Variants in TMC1 observed in about 807,000 individuals in gnomAD.
The protein encoded by TMC1 is transmembrane channel like 1, also known as transmembrane channel-like protein 1.
A neutral mutation model predicts 105.8 loss-of-function variants in TMC1; 84 were observed. The observed-to-expected ratio is 0.79, with a 90% CI of 0.67 to 0.95. The LOEUF is 0.95. TMC1 is among the 40% of genes least tolerant of loss of function. TMC1 has a pLI of 0.00. For missense variants in TMC1, 817 were observed against 914.1 expected (o/e 0.89, Z 1.37); for synonymous variants, 315 against 311.5 (o/e 1.01, Z -0.12).
At chr9:72,716,945 G>C (rs990592856) in intron 8 of TMC1, among the ~76,000 whole-genome samples, 3 of 152,202 alleles carry the variant, frequency 2.0e-5, no homozygotes, top group African/African-American at 7.2e-5. Context: ...TGAAGACCAT[G>C]GGAAAAGTGC....
chr9:72,527,969 C>T (rs978831430), intron 1 of TMC1, among the ~76,000 whole-genome samples: 1 of 152,196 alleles, frequency 6.6e-6, no homozygotes, highest in Non-Finnish European at 1.5e-5. Flanking sequence ...ATACTTCCCC[C>T]CTCCCCGACT....
At chr9:72,548,590 C>T (rs927158433) in intron 1 of TMC1, among the ~76,000 whole-genome samples, 34 of 150,020 alleles carry the variant, frequency 2.3e-4, no homozygotes, top group African/African-American at 7.6e-4. Flanking sequence ...AAAAAGTCTA[C>T]AGTAACTGCA....
At chr9:72,665,901 T>C (rs1826035483) in intron 5 of TMC1, among the ~76,000 whole-genome samples, 1 of 152,168 alleles carries the variant, frequency 6.6e-6, no homozygotes, top group Non-Finnish European at 1.5e-5. Flanking sequence ...GCTTTCTCCA[T>C]GAAGAAGAAT....
intron 5 of TMC1, among the ~76,000 whole-genome samples, chr9:72,662,782 A>G (rs890351355): frequency 6.6e-6 from 1 of 152,200 alleles, no homozygotes; most frequent in Non-Finnish European, 1.5e-5. Flanking sequence ...GCACTCCTCC[A>G]GAAATTTCAG....
chr9:72,786,754 T>C (rs1588082791), intron 13 of TMC1, among the ~76,000 whole-genome samples: 1 of 152,166 alleles, frequency 6.6e-6, no homozygotes, highest in East Asian at 1.9e-4. Context: ...TCCACTTCTT[T>C]TCACACCCTT....
At chr9:72,798,240 A>G (rs1828406466) in intron 17 of TMC1, among the ~76,000 whole-genome samples, 1 of 152,178 alleles carries the variant, frequency 6.6e-6, no homozygotes, top group African/African-American at 2.4e-5. Context: ...GTCGCAGAGA[A>G]AAAGGAACAT....
intron 1 of TMC1, among the ~76,000 whole-genome samples, chr9:72,549,642 A>G (rs1323149272): frequency 1.5e-5 from 2 of 130,416 alleles, no homozygotes; most frequent in African/African-American, 5.9e-5. Context: ...ACGAAGTCTC[A>G]CTCTGTTGCC....
chr9:72,615,230 C>T (rs1406308220), intron 2 of TMC1, among the ~76,000 whole-genome samples: 2 of 152,108 alleles, frequency 1.3e-5, no homozygotes, highest in Non-Finnish European at 2.9e-5. Flanking sequence ...TTTTAATTCT[C>T]CTGGTAAACT....
chr9:72,752,419 CT>C (rs1432045986), intron 11 of TMC1, among the ~76,000 whole-genome samples: 3 of 150,500 alleles, frequency 2.0e-5, no homozygotes, highest in Admixed American at 6.6e-5. Context: ...CATTTTCCCC[CT>C]AAGATACAAA....
At chr9:72,835,871 A>C (rs1194775728) in intron 23 of TMC1, 80 bp from the exon 24 acceptor site, 7 of 1,520,172 alleles carry the variant, frequency 4.6e-6, no homozygotes, top group Non-Finnish European at 5.3e-6. Context: ...ACTGAAAGCT[A>C]CGTTTTTATT....
chr9:72,615,449 T>G (rs960819643), intron 2 of TMC1, among the ~76,000 whole-genome samples: 2 of 152,220 alleles, frequency 1.3e-5, no homozygotes, highest in African/African-American at 4.8e-5. Flanking sequence ...AAGATAATTT[T>G]GAGGGCATTA....
chr9:72,731,565 T>A (rs1827212380), intron 8 of TMC1, among the ~76,000 whole-genome samples: 1 of 152,230 alleles, frequency 6.6e-6, no homozygotes, highest in African/African-American at 2.4e-5. Context: ...TTCTCTAACT[T>A]ATCTTGTATA....
chr9:72,727,162 C>T (rs749948469), intron 8 of TMC1, among the ~76,000 whole-genome samples: 1 of 152,160 alleles, frequency 6.6e-6, no homozygotes, highest in Non-Finnish European at 1.5e-5. Context: ...TCTGCCTACT[C>T]GAATTCTATT....
intron 2 of TMC1, among the ~76,000 whole-genome samples, chr9:72,578,789 C>A (rs958622848): frequency 6.6e-6 from 1 of 152,226 alleles, no homozygotes; most frequent in African/African-American, 2.4e-5. Flanking sequence ...AACCATGTCA[C>A]CCGCAGCCTT....
intron 8 of TMC1, among the ~76,000 whole-genome samples, chr9:72,711,638 G>A (rs566891633): frequency 7.2e-4 from 110 of 152,220 alleles, no homozygotes; most frequent in African/African-American, 2.2e-3. Context: ...TTGTAAATTT[G>A]TTTAAGTTCT....
chr9:72,637,636 A>G (rs938484217), intron 4 of TMC1, among the ~76,000 whole-genome samples: 3 of 152,018 alleles, frequency 2.0e-5, no homozygotes, highest in African/African-American at 4.8e-5. Context: ...AGACAATCTC[A>G]TGGAAGTCCC....
Position 72,754,820 on chromosome 9 carries a change from G to T in TMC1, c.677G>T (p.Arg226Met). Residue 226 changes from arginine to methionine, a missense_variant, in exon 12 of 24, where the codon AGG becomes ATG. By Grantham distance (91) the Arg-to-Met change is moderately conservative (BLOSUM62 -1). Transcript: ENST00000297784. ...GGTTTGCCATATGGCAGTTTACCTAGGAAAACCGTTCCCAGAGCCGAAGAG... is the reference window on the plus strand; with the variant it reads ...GGTTTGCCATATGGCAGTTTACCTATGAAAACCGTTCCCAGAGCCGAAGAG... ...LWGLPYGSLP[R>M]KTVPRAEEAS... 1 of 1,614,096 alleles carries T rather than the reference G, an allele frequency of 6.2e-7. No homozygotes were observed. The highest frequency in any genetic ancestry group is 8.5e-7 in the Non-Finnish European group (1 of 1,179,982).
chr9:72,576,618 CTTTTTTTTTTTTTTCT>C (rs1824384499), intron 1 of TMC1, among the ~76,000 whole-genome samples: 1 of 135,148 alleles, frequency 7.4e-6, no homozygotes, highest in Non-Finnish European at 1.5e-5. Flanking sequence ...CTCCCAATTT[CTTTTTTTTTTTTTTCT>C]TTTTTTTTTT....
At position 72,622,552 on chromosome 9, in the gene TMC1, G is replaced by T. The variant is rs141694604; in HGVS notation, c.-195-5369G>T. 4.4e-3 allele frequency among the ~76,000 whole-genome samples: 670 copies of T among 152,108 alleles called. 4 individuals are homozygous for T. Among genetic ancestry groups the T allele is most frequent in the African/African-American group, 0.015 (642 of 41,474 alleles). Reference sequence around the variant, plus strand: ...AGAGTCCTCCTTTATATATCTTTTAGTAGGTAATTTTTGGAACATTAAATT... The same window carrying T: ...AGAGTCCTCCTTTATATATCTTTTATTAGGTAATTTTTGGAACATTAAATT... On this transcript the variant is annotated intron_variant, in intron 3 of 23. Coordinates refer to ENST00000297784, the MANE Select transcript of TMC1 (RefSeq NM_138691.3).
Sources: allele counts gnomAD v4.1 joint callset (sites outside exome capture counted in the v4.1 genomes callset), GRCh38; gene constraint gnomAD v4.1.1; transcripts MANE v1.5; gene names NCBI Gene and HGNC (gene_info 2026-07-23, HGNC 2026-07-21).